The following PCDHA7 variants were observed in gnomAD, a reference collection of about 807,000 sequenced individuals.
PCDHA7 encodes protocadherin alpha 7, also known as protocadherin alpha-7.
PCDHA7 carries 37 observed loss-of-function variants against 57.2 expected under a neutral mutation model. The observed-to-expected ratio is 0.65, with a 90% confidence interval of 0.50 to 0.85. The LOEUF (loss-of-function observed/expected upper bound fraction) is 0.85, where lower values mean the gene tolerates loss of function less well. Ranked by LOEUF, PCDHA7 falls within the 40% of genes least tolerant of loss-of-function variation. The probability of loss-of-function intolerance (pLI) is 0.00; values close to 1 mark genes in which losing one functional copy is unlikely to be tolerated. For synonymous variants in PCDHA7, 553 were observed against 558.8 expected (o/e 0.99, Z 0.15); for missense variants, 1,188 against 1,241.8 (o/e 0.96, Z 0.65).
At chr5:140,958,374 A>G (rs953397625) in intron 1 of PCDHA7, among the ~76,000 whole-genome samples, 3 of 152,134 alleles carry the variant, frequency 2.0e-5, no homozygotes, top group African/African-American at 7.2e-5. Context: ...GAATGTTGCT[A>G]TTTTCTTAAC....
In PCDHA7 at chr5:140,863,367, G is replaced by A. The variant is rs782714685; in HGVS notation, c.2355+26629G>A. The A allele has an allele frequency of 1.5e-5, 18 of 1,191,312 alleles. No homozygotes were observed. The East Asian group carries it at 5.3e-4, about 35-fold the overall frequency. The allele number at this position is 1,191,312 out of a possible 1,614,324, so 73.8% of individuals were successfully genotyped here. A position where few individuals can be genotyped will look rare whatever the true frequency, so the allele number is the denominator to read the frequency against. ...TGTACACGACGCTGCGGTGCTTGGC[G>A]CAGCTCACCGAGAGCTCGTGCATGC... is the stretch of plus-strand genomic sequence containing the variant. On this transcript the variant is annotated intron_variant, in intron 1 of 3. Transcript: ENST00000525929.
chr5:140,926,180 C>A (rs1341994925), intron 1 of PCDHA7, among the ~76,000 whole-genome samples: 1 of 151,710 alleles, frequency 6.6e-6, no homozygotes, highest in Admixed American at 6.6e-5. Flanking sequence ...CGCGGAAAGC[C>A]CCCCGCAGCA....
At chr5:140,850,361 C>T in intron 1 of PCDHA7, 1 of 1,597,860 alleles carries the variant, frequency 6.3e-7, no homozygotes, top group Non-Finnish European at 8.6e-7. Flanking sequence ...GCATCCCGTT[C>T]CGCGTGGGGC....
At chr5:140,900,032 A>G (rs1439772684) in intron 1 of PCDHA7, among the ~76,000 whole-genome samples, 1 of 151,930 alleles carries the variant, frequency 6.6e-6, no homozygotes, top group Non-Finnish European at 1.5e-5. Context: ...TTGGCCTTGA[A>G]TTCCTGGGCT....
At position 140,975,481 on chromosome 5, in the gene PCDHA7, T is replaced by C. The variant is rs566642912; in HGVS notation, c.2356-3468T>C. Among the ~76,000 whole-genome samples, 225 of 152,370 alleles carry C rather than the reference T, an allele frequency of 1.5e-3. 1 individual carries two copies. The highest frequency in any genetic ancestry group is 5.2e-3 in the African/African-American group (216 of 41,590). ...TCTTGGAATTCTGCCTATCAGTTTA[T>C]ATCAATGTTCATAAAATAGCACTAT... On this transcript the variant is annotated intron_variant, in intron 1 of 3. Transcript: ENST00000525929.
At chr5:140,841,935 C>T in intron 1 of PCDHA7, 1 of 1,613,898 alleles carries the variant, frequency 6.2e-7, no homozygotes, top group South Asian at 1.1e-5. Flanking sequence ...AGAGAGGACG[C>T]TCCTGCGCAC....
chr5:140,907,782 G>A (rs1285928394), intron 1 of PCDHA7, among the ~76,000 whole-genome samples: 1 of 152,158 alleles, frequency 6.6e-6, no homozygotes, highest in African/African-American at 2.4e-5. Flanking sequence ...AGGGGTGGCT[G>A]GGGAAAGAGG....
chr5:140,870,353 T>C lies in PCDHA7; in HGVS notation c.2355+33615T>C, dbSNP rs782038424. On this transcript the variant is annotated intron_variant, in intron 1 of 3. Transcript: ENST00000525929. ...GACAGCGCCCTGGACCGCGAGAACG[T>C]GTGGGCCTATGAACTGGTGGTGACT... is the stretch of plus-strand genomic sequence containing the variant. The C allele has an allele frequency of 3.7e-6, 6 of 1,614,002 alleles. No homozygotes were observed. The Admixed American group carries it at 8.3e-5, about 22-fold the overall frequency.
At chr5:140,876,455 C>T (rs1554168573) in intron 1 of PCDHA7, 1 of 1,613,874 alleles carries the variant, frequency 6.2e-7, no homozygotes, top group African/African-American at 1.3e-5. Flanking sequence ...AAAGGGATTC[C>T]TTCCATGGCA....
In PCDHA7 at chr5:140,872,619, G is replaced by A. The variant is rs571473600; in HGVS notation, c.2355+35881G>A. On this transcript the variant is annotated intron_variant, in intron 1 of 3. Transcript: ENST00000525929. ...TCTGAAAAAATAATTTTTTTTGCCT[G>A]TTCTTGATTTTGTTCCATGAAAAGG... Among the ~76,000 whole-genome samples, 128 of 152,108 alleles carry A rather than the reference G, an allele frequency of 8.4e-4. 1 individual carries two copies. The highest frequency in any genetic ancestry group is 3.4e-3 in the Middle Eastern group (1 of 294).
intron 1 of PCDHA7, chr5:140,849,181 T>C: frequency 1.9e-6 from 2 of 1,077,314 alleles, no homozygotes; most frequent in African/African-American, 1.9e-5. Context: ...GTTCAATTAC[T>C]CATCACGGTA....
At chr5:140,857,849 G>A (rs782556733) in intron 1 of PCDHA7, 1 of 1,597,964 alleles carries the variant, frequency 6.3e-7, no homozygotes, top group South Asian at 1.1e-5. Flanking sequence ...CGCTGACTCT[G>A]GATACAACGC....
intron 1 of PCDHA7, among the ~76,000 whole-genome samples, chr5:140,931,278 T>G (rs1488323710): frequency 1.3e-5 from 2 of 152,174 alleles, no homozygotes; most frequent in Non-Finnish European, 2.9e-5. Context: ...TCTTTTATTT[T>G]CATTGCTTTC....
chr5:140,960,892 G>A (rs1401042931), intron 1 of PCDHA7, among the ~76,000 whole-genome samples: 1 of 152,126 alleles, frequency 6.6e-6, no homozygotes, highest in East Asian at 1.9e-4. Flanking sequence ...AATGAATTTG[G>A]GGCATATCTT....
At chr5:140,959,585 C>A (rs1363843588) in intron 1 of PCDHA7, among the ~76,000 whole-genome samples, 1 of 152,004 alleles carries the variant, frequency 6.6e-6, no homozygotes, top group Non-Finnish European at 1.5e-5. Context: ...TCAATTCTAT[C>A]AGCCAAGTAT....
chr5:140,900,927 G>A (rs2068371563), intron 1 of PCDHA7, among the ~76,000 whole-genome samples: 2 of 152,056 alleles, frequency 1.3e-5, no homozygotes, highest in South Asian at 4.1e-4. Context: ...ATATCTCATT[G>A]TAGTTTTGAT....
intron 1 of PCDHA7, chr5:140,882,226 G>A (rs778262653): frequency 1.3e-6 from 2 of 1,564,150 alleles, no homozygotes; most frequent in Non-Finnish European, 1.7e-6. Context: ...GAGGTAAGGC[G>A]TTGTATATAT....
intron 1 of PCDHA7, among the ~76,000 whole-genome samples, chr5:140,900,759 A>G (rs1419646582): frequency 6.6e-6 from 1 of 152,044 alleles, no homozygotes; most frequent in Non-Finnish European, 1.5e-5. Context: ...TGGTAGCTCT[A>G]TTTTTGGCTT....
At chr5:140,916,508 T>G (rs2077594251) in intron 1 of PCDHA7, among the ~76,000 whole-genome samples, 1 of 152,200 alleles carries the variant, frequency 6.6e-6, no homozygotes, top group Non-Finnish European at 1.5e-5. Context: ...GTGATTAATC[T>G]TGCCAAGACT....
Sources: gnomAD v4.1 joint callset for allele counts (sites outside exome capture counted in the v4.1 genomes callset) on GRCh38, gnomAD v4.1.1 for gene constraint, MANE v1.5 for transcripts, NCBI Gene and HGNC (gene_info 2026-07-23, HGNC 2026-07-21) for gene names.